The following SCN8A variants were observed in gnomAD, a reference collection of about 807,000 sequenced individuals.
The protein encoded by SCN8A is sodium voltage-gated channel alpha subunit 8.
Under a neutral mutation model 184.1 loss-of-function variants are expected in SCN8A, and 30 were observed. The ratio of observed to expected loss-of-function variants is 0.16; its 90% CI spans 0.12 to 0.22. The LOEUF is 0.22. Among genes scored for constraint, SCN8A ranks in the 10% least tolerant of loss-of-function variants. The pLI is 1.00. For synonymous variants in SCN8A, 852 were observed against 907.0 expected (o/e 0.94, Z 1.09); for missense variants, 1,057 against 2,498.9 (o/e 0.42, Z 12.30).
chr12:51,627,490 T>C (rs1181663125), intron 1 of SCN8A, among the ~76,000 whole-genome samples: 2 of 152,168 alleles, frequency 1.3e-5, no homozygotes, highest in Admixed American at 1.3e-4. Flanking sequence ...CAAGGGATTC[T>C]CCTGCCTCAG....
At chr12:51,609,540 C>G (rs759871360) in intron 1 of SCN8A, among the ~76,000 whole-genome samples, 16 of 152,116 alleles carry the variant, frequency 1.1e-4, no homozygotes, top group South Asian at 2.1e-4. Flanking sequence ...TATAATGTCC[C>G]TCTTTGTCTC....
At chr12:51,734,458 G>A (rs1942291765) in intron 12 of SCN8A, among the ~76,000 whole-genome samples, 1 of 152,266 alleles carries the variant, frequency 6.6e-6, no homozygotes, top group Non-Finnish European at 1.5e-5. Flanking sequence ...AATAGGTTGG[G>A]CTAGTTAACT....
At chr12:51,646,831 G>A (rs1940600144) in intron 1 of SCN8A, among the ~76,000 whole-genome samples, 1 of 152,222 alleles carries the variant, frequency 6.6e-6, no homozygotes, top group African/African-American at 2.4e-5. Context: ...GTAGAGGACA[G>A]CTTTGAGTTG....
intron 1 of SCN8A, among the ~76,000 whole-genome samples, chr12:51,630,103 G>A (rs901349155): frequency 6.6e-6 from 1 of 151,956 alleles, no homozygotes; most frequent in South Asian, 2.1e-4. Flanking sequence ...GAAAAATTGT[G>A]GTAAAATATA....
At chr12:51,780,591 T>TGG in intron 20 of SCN8A, 58 bp from the exon 21 acceptor site, 1 of 333,584 alleles carries the variant, frequency 3.0e-6, no homozygotes, top group Non-Finnish European at 5.0e-6. Context: ...TTTTTTTTTT[T>TGG]TTTTTTTTTT....
At chr12:51,777,701 AC>A (rs1377906444) in intron 20 of SCN8A, among the ~76,000 whole-genome samples, 2 of 151,926 alleles carry the variant, frequency 1.3e-5, no homozygotes, top group Non-Finnish European at 2.9e-5. Flanking sequence ...TGGCCTTTAG[AC>A]CTCCTCCTTC....
intron 1 of SCN8A, among the ~76,000 whole-genome samples, chr12:51,647,170 C>A (rs960255889): frequency 3.3e-5 from 5 of 152,102 alleles, no homozygotes; most frequent in African/African-American, 1.2e-4. Flanking sequence ...ACAGTGGGAC[C>A]CCATCTCTGA....
At chr12:51,792,765 CAG>C (rs1163826101) in intron 25 of SCN8A, among the ~76,000 whole-genome samples, 3 of 152,148 alleles carry the variant, frequency 2.0e-5, no homozygotes, top group African/African-American at 7.2e-5. Context: ...TGTTTTGAGA[CAG>C]AGTCTCTCTC....
chr12:51,786,436 T>G (rs1271000925), intron 21 of SCN8A, 106 bp from the exon 22 acceptor site: 1 of 1,251,044 alleles, frequency 8.0e-7, no homozygotes, highest in Non-Finnish European at 1.1e-6. Flanking sequence ...GAATGTAATG[T>G]TTCCATACAG....
chr12:51,611,644 TC>T (rs942196145), intron 1 of SCN8A, among the ~76,000 whole-genome samples: 1 of 151,790 alleles, frequency 6.6e-6, no homozygotes, highest in African/African-American at 2.4e-5. Context: ...ATTACATGCA[TC>T]CCTATGCCTG....
chr12:51,633,593 C>T (rs1258657721), intron 1 of SCN8A, among the ~76,000 whole-genome samples: 1 of 152,308 alleles, frequency 6.6e-6, no homozygotes, highest in African/African-American at 2.4e-5. Flanking sequence ...AAAGGTTCTC[C>T]TGCTGTGTAA....
At position 51,809,569 on chromosome 12, in the gene SCN8A, G is replaced by T. The variant is rs991191632; in HGVS notation, c.*2140G>T. On this transcript the variant is annotated 3_prime_UTR_variant, in exon 27 of 27. Coordinates refer to ENST00000627620, the MANE Select transcript of SCN8A (RefSeq NM_001330260.2). ...TGTACTACACCCAATACCAGACTGGGAAGGCCTATCTTTCAGTGACCCTGC... is the reference window on the plus strand; with the variant it reads ...TGTACTACACCCAATACCAGACTGGTAAGGCCTATCTTTCAGTGACCCTGC... The T allele has an allele frequency of 6.6e-6, 1 of 152,234 alleles. No homozygotes were observed. Among genetic ancestry groups the T allele is most frequent in the Non-Finnish European group, 1.5e-5 (1 of 68,040 alleles). The allele number at this position is 152,234 out of a possible 1,614,324, so 9.4% of individuals were successfully genotyped here.
intron 6 of SCN8A, 150 bp downstream of exon 6, chr12:51,689,246 G>A (rs560537117): frequency 1.5e-6 from 1 of 668,004 alleles, no homozygotes; most frequent in Non-Finnish European, 2.6e-6. Context: ...TGGAATGGCC[G>A]TTGGGTCCTC....
In SCN8A at chr12:51,684,422, G is replaced by A. The variant is rs199805737; in HGVS notation, c.395+130G>A. The A allele has an allele frequency of 8.2e-5, 55 of 672,934 alleles. 1 individual carries two copies. In the East Asian group the frequency reaches 1.5e-3, roughly 18 times the overall value. 41.7% of individuals were successfully genotyped at this position (672,934 alleles called of 1,614,324 possible). On this transcript the variant is annotated intron_variant, in intron 3 of 26. Transcript: ENST00000627620. ...GTGTAGTTAACTAGCCCATCAGTCA[G>A]AGGTTTAAGAGTGAACTCCTGCCAC...
intron 15 of SCN8A, among the ~76,000 whole-genome samples, chr12:51,764,473 A>C (rs1942806981): frequency 6.6e-6 from 1 of 151,966 alleles, no homozygotes; most frequent in Non-Finnish European, 1.5e-5. Flanking sequence ...CATCTCTACT[A>C]AAAATACAAA....
rs758253791 is a variant in SCN8A, at chr12:51,745,907, C to T, written c.2003C>T (p.Thr668Ile). The T allele has an allele frequency of 2.5e-5, 40 of 1,575,754 alleles. No individual in the cohort carries two copies. Among genetic ancestry groups the T allele is most frequent in the Non-Finnish European group, 3.3e-5 (39 of 1,165,832 alleles). The change falls in exon 13 of 27, where the codon ACA becomes ATA. Residue 668 changes from threonine to isoleucine, a missense_variant. By Grantham distance (89) the Thr-to-Ile change is moderately conservative. This residue lies in a region of SCN8A where 322 missense variants were observed against 390.1 expected (regional missense o/e 0.83). Transcript: ENST00000627620. ...TTTCTTTTTTTTTTTTTAAAGGCTA[C>T]AACTGAGGTGGAAATTAAGAAGAAA... ...HIGGRLLPEA[T>I]TEVEIKKKGP...
intron 11 of SCN8A, among the ~76,000 whole-genome samples, chr12:51,719,480 AAAGAT>A (rs1333280966): frequency 4.7e-5 from 2 of 42,718 alleles, no homozygotes; most frequent in Non-Finnish European, 9.3e-5. Flanking sequence ...TAGCCAACAA[AAAGAT>A]AAGGGCAGAA....
intron 26 of SCN8A, among the ~76,000 whole-genome samples, chr12:51,802,988 C>A (rs1375637059): frequency 6.6e-6 from 1 of 152,144 alleles, no homozygotes; most frequent in African/African-American, 2.4e-5. Flanking sequence ...ACTCCTGGTA[C>A]CAAAATCTGT....
intron 13 of SCN8A, 148 bp from the exon 14 acceptor site, chr12:51,751,207 A>G: frequency 3.2e-6 from 2 of 623,222 alleles, no homozygotes; most frequent in East Asian, 2.7e-5. Flanking sequence ...TCTCTACCTT[A>G]GAGAGAAGGA....
Sources: gnomAD v4.1 joint callset for allele counts (sites outside exome capture counted in the v4.1 genomes callset) on GRCh38, gnomAD v4.1.1 for gene constraint, gnomAD v4.1.1 regional missense constraint, MANE v1.5 for transcripts, NCBI Gene and HGNC (gene_info 2026-07-23, HGNC 2026-07-21) for gene names.